Variants in TRERF1 observed in about 807,000 individuals in gnomAD.
TRERF1 encodes transcriptional-regulating factor 1.
A neutral mutation model predicts 122.9 loss-of-function variants in TRERF1; 27 were observed. The observed-to-expected ratio is 0.22, with a 90% CI of 0.16 to 0.30. The LOEUF (loss-of-function observed/expected upper bound fraction) is 0.30, where lower values mean the gene tolerates loss of function less well. Ranked by LOEUF, TRERF1 falls within the 10% of genes least tolerant of loss-of-function variation. TRERF1 has a pLI of 1.00. For missense variants in TRERF1, 1,248 were observed against 1,560.3 expected, an observed-to-expected ratio of 0.80 and a Z score of 3.37; for synonymous variants, 636 against 641.7, an observed-to-expected ratio of 0.99 and a Z score of 0.13.
chr6:42,316,175 G>A (rs1286582492), intron 3 of TRERF1, among the ~76,000 whole-genome samples: 1 of 152,150 alleles, frequency 6.6e-6, no homozygotes, highest in East Asian at 1.9e-4. Context: ...AAGTGGCTGT[G>A]ATGACCAATG....
chr6:42,417,326 C>T lies in TRERF1; in HGVS notation c.-454+33851G>A, dbSNP rs554301451. 5.3e-3 allele frequency among the ~76,000 whole-genome samples: 501 copies of T among 95,226 alleles called. 11 individuals are homozygous for T. The South Asian group carries it at 0.072, about 14-fold the overall frequency. 62.5% of individuals were successfully genotyped at this position (95,226 alleles called of 152,430 possible). ...TGAGCCTTCACCAGCCCCTACCCCA[C>T]GGACCCCACTCCACTCACTCCAAAT... On this transcript the variant is annotated intron_variant, in intron 2 of 17. Transcript: ENST00000372922.
chr6:42,368,609 C>G (rs1486435677), intron 2 of TRERF1, among the ~76,000 whole-genome samples: 1 of 152,168 alleles, frequency 6.6e-6, no homozygotes, highest in Non-Finnish European at 1.5e-5. Context: ...CCAGTAATGT[C>G]TCAATGTTTC....
chr6:42,400,614 C>T (rs747691954), intron 2 of TRERF1, among the ~76,000 whole-genome samples: 1 of 152,200 alleles, frequency 6.6e-6, no homozygotes, highest in Non-Finnish European at 1.5e-5. Context: ...ACAGCAGCAT[C>T]CTTGTGAGAC....
intron 4 of TRERF1, among the ~76,000 whole-genome samples, chr6:42,294,335 C>T (rs959234353): frequency 5.9e-5 from 9 of 151,966 alleles, no homozygotes; most frequent in East Asian, 3.9e-4. Flanking sequence ...TGCGCCACCA[C>T]GCCCGGCTAA....
At chr6:42,274,710 AAG>A (rs34266219) in intron 4 of TRERF1, among the ~76,000 whole-genome samples, 5,041 of 152,206 alleles carry the variant, frequency 0.033, 86 homozygotes, top group Non-Finnish European at 0.037. Context: ...ATTTTAAAAA[AAG>A]AGAGAGAGAA....
At chr6:42,240,409 G>A (rs995924412) in intron 15 of TRERF1, among the ~76,000 whole-genome samples, 1 of 152,308 alleles carries the variant, frequency 6.6e-6, no homozygotes, top group Non-Finnish European at 1.5e-5. Context: ...GAACATTCCA[G>A]AATTGGAAGG....
rs766172717 is a variant in TRERF1, at chr6:42,263,267, G to A, written c.1884+53C>T. ...GGCAGAGCAGCAACTCACAGCAGGCGTGCGGGGGGCAGCCCCTTGGGGTGA... is the reference window on the plus strand; with the variant it reads ...GGCAGAGCAGCAACTCACAGCAGGCATGCGGGGGGCAGCCCCTTGGGGTGA... On this transcript the variant is annotated intron_variant, in intron 8 of 17. Transcript: ENST00000372922. This position sits in a 1 kb window ranked among gnomAD's most constrained non-coding sequence, Gnocchi z 5.6. The A allele has an allele frequency of 1.3e-5, 20 of 1,552,460 alleles. No individual in the cohort carries two copies. The highest frequency in any genetic ancestry group is 1.5e-5 in the Non-Finnish European group (17 of 1,143,950).
rs1435637704 is a variant in TRERF1 at position 42,434,680 on chromosome 6, A to ACACG, written c.-454+16496_-454+16497insCGTG. On this transcript the variant is annotated intron_variant, in intron 2 of 17. Coordinates refer to ENST00000372922, the Ensembl canonical transcript of TRERF1. ...CAGACACCCTCCACCACACACACACACACACACACACACACACACACACAC... is the reference window on the plus strand; with the variant it reads ...CAGACACCCTCCACCACACACACACACACGCACACACACACACACACACACACAC... Among the ~76,000 whole-genome samples the ACACG allele has an allele frequency of 2.0e-5, 3 of 150,646 alleles. No individual in the cohort carries two copies. The East Asian group carries it at 5.8e-4, about 29-fold the overall frequency.
chr6:42,449,392 A>G (rs1248899730), intron 2 of TRERF1, among the ~76,000 whole-genome samples: 1 of 151,604 alleles, frequency 6.6e-6, no homozygotes, highest in Non-Finnish European at 1.5e-5. Flanking sequence ...TCACCACAAT[A>G]TTTTAAAAAG....
chr6:42,367,625 A>T (rs539432277), intron 2 of TRERF1, among the ~76,000 whole-genome samples: 1 of 151,978 alleles, frequency 6.6e-6, no homozygotes, highest in South Asian at 2.1e-4. Context: ...GCTTCTCCTC[A>T]CCCCAAGCAT....
At chr6:42,450,385 T>C (rs1368799514) in intron 2 of TRERF1, among the ~76,000 whole-genome samples, 1 of 152,228 alleles carries the variant, frequency 6.6e-6, no homozygotes, top group African/African-American at 2.4e-5. Flanking sequence ...TAAGCACGAC[T>C]TCCACGCACT....
At chr6:42,410,140 T>TG (rs1332458928) in intron 2 of TRERF1, among the ~76,000 whole-genome samples, 20 of 152,294 alleles carry the variant, frequency 1.3e-4, no homozygotes, top group African/African-American at 4.6e-4. Context: ...TGCTTGGTGA[T>TG]ATTTCAAGAC....
intron 3 of TRERF1, among the ~76,000 whole-genome samples, chr6:42,360,771 T>TAAAAA (rs55924002): frequency 1.6e-4 from 6 of 36,450 alleles, no homozygotes; most frequent in Admixed American, 3.9e-4. Context: ...GTGGAGAGAT[T>TAAAAA]AAAAAAAAAA....
chr6:42,440,452 T>C (rs570331054), intron 2 of TRERF1, among the ~76,000 whole-genome samples: 31 of 152,264 alleles, frequency 2.0e-4, no homozygotes, highest in African/African-American at 7.0e-4. Flanking sequence ...ATCTGCTTCC[T>C]ACAATTGTAG....
chr6:42,263,666 G>C lies in TRERF1; in HGVS notation c.1636-98C>G. 9 of 1,348,738 alleles carry C rather than the reference G, an allele frequency of 6.7e-6. No homozygotes were observed. Among genetic ancestry groups the C allele is most frequent in the Non-Finnish European group, 8.6e-6 (9 of 1,046,442 alleles). The allele number at this position is 1,348,738 out of a possible 1,614,324, so 83.5% of individuals were successfully genotyped here. On this transcript the variant is annotated intron_variant, in intron 7 of 17. Transcript: ENST00000372922. The surrounding 1 kb of genome is among the most constrained non-coding windows in gnomAD (Gnocchi z 5.6). ...CGAAAGGTTCCAGGACATCAGGTAT[G>C]GGTGATAGAGAACCGCTGCAGGGCG...
chr6:42,367,698 C>A (rs562816033), intron 2 of TRERF1, among the ~76,000 whole-genome samples: 1 of 152,152 alleles, frequency 6.6e-6, no homozygotes. Flanking sequence ...CTCTGCTCAC[C>A]CCCTCCTGCT....
chr6:42,393,850 T>C lies in TRERF1; in HGVS notation c.-453-30771A>G, dbSNP rs777215462. Reference sequence around the variant, plus strand: ...TTTTAAAGCACATTACATAACAATATGTGCAATATGATTCCAGTTCTGTAA... The same window carrying C: ...TTTTAAAGCACATTACATAACAATACGTGCAATATGATTCCAGTTCTGTAA... On this transcript the variant is annotated intron_variant, in intron 2 of 17. Coordinates refer to ENST00000372922, the Ensembl canonical transcript of TRERF1. This position sits in a 1 kb window ranked among gnomAD's most constrained non-coding sequence, Gnocchi z 4.1. 2.2e-4 allele frequency among the ~76,000 whole-genome samples: 33 copies of C among 150,624 alleles called. No individual in the cohort carries two copies. Among genetic ancestry groups the C allele is most frequent in the Non-Finnish European group, 3.1e-4 (21 of 67,874 alleles).
At chr6:42,240,816 A>G (rs1006807515) in intron 15 of TRERF1, among the ~76,000 whole-genome samples, 4 of 152,222 alleles carry the variant, frequency 2.6e-5, no homozygotes, top group African/African-American at 9.6e-5. Flanking sequence ...ACAGCACTAC[A>G]TACACATTGC....
chr6:42,344,050 T>C (rs1767808088), intron 3 of TRERF1, among the ~76,000 whole-genome samples: 1 of 152,198 alleles, frequency 6.6e-6, no homozygotes, highest in Admixed American at 6.5e-5. Flanking sequence ...TGCATGGAAT[T>C]GGAGGCCAAC....
Sources: allele counts gnomAD v4.1 joint callset (sites outside exome capture counted in the v4.1 genomes callset), GRCh38; gene constraint gnomAD v4.1.1; non-coding constraint Gnocchi (gnomAD v3.1); transcripts MANE v1.5; gene names NCBI Gene and HGNC (gene_info 2026-07-23, HGNC 2026-07-21).